LIN7A: variants seen among roughly 807,000 people sequenced by gnomAD.
The protein encoded by LIN7A is protein lin-7 homolog A.
A neutral mutation model predicts 29.8 loss-of-function variants in LIN7A; 25 were observed. The observed-to-expected ratio is 0.84, with a 90% confidence interval of 0.61 to 1.17. The LOEUF (loss-of-function observed/expected upper bound fraction) is 1.17. Among genes scored for constraint, LIN7A ranks in the 50% most tolerant of loss-of-function variants. The pLI is 0.00. For missense variants in LIN7A, 239 were observed against 287.0 expected (o/e 0.83, Z 1.21); for synonymous variants, 118 against 107.5 (o/e 1.10, Z -0.60).
intron 5 of LIN7A, among the ~76,000 whole-genome samples, chr12:80,803,911 G>A (rs560009826): frequency 4.6e-5 from 7 of 152,186 alleles, no homozygotes; most frequent in African/African-American, 1.7e-4. Context: ...CTGTGAAGTG[G>A]GGTCAGGAAA....
intron 1 of LIN7A, among the ~76,000 whole-genome samples, chr12:80,898,910 T>C (rs573775809): frequency 6.6e-6 from 1 of 152,334 alleles, no homozygotes; most frequent in African/African-American, 2.4e-5. Flanking sequence ...TTTCTAGGTA[T>C]AGAATTATAT....
intron 5 of LIN7A, among the ~76,000 whole-genome samples, chr12:80,804,554 T>C (rs1395544561): frequency 2.0e-5 from 3 of 150,820 alleles, no homozygotes; most frequent in Admixed American, 6.6e-5. Context: ...TTTTTTTTTT[T>C]CTGAGACAGA....
At chr12:80,855,077 A>G (rs531814974) in intron 2 of LIN7A, among the ~76,000 whole-genome samples, 1 of 152,256 alleles carries the variant, frequency 6.6e-6, no homozygotes, top group South Asian at 2.1e-4. Flanking sequence ...TAAAATGTCA[A>G]TAGAATTACA....
rs537478442 is a variant in LIN7A at position 80,812,513 on chromosome 12, T to G, written c.484-830A>C. The stretch of plus-strand genomic sequence containing the variant: ...AAACAGTTTCAGTATGTGACTGTCA[T>G]ATACTTAGTGCAAAAGGGTTTTTTT... On this transcript the variant is annotated intron_variant, in intron 4 of 5. Coordinates refer to ENST00000552864, the MANE Select transcript of LIN7A (RefSeq NM_004664.4). Among the ~76,000 whole-genome samples the G allele has an allele frequency of 2.3e-4, 34 of 149,792 alleles. 1 individual carries two copies. In the South Asian group the frequency reaches 7.2e-3, roughly 32 times the overall value.
chr12:80,868,002 C>T (rs779177120), intron 2 of LIN7A, among the ~76,000 whole-genome samples: 1 of 152,116 alleles, frequency 6.6e-6, no homozygotes, highest in Admixed American at 6.6e-5. Flanking sequence ...AAATACTTAT[C>T]CCTGAAATGT....
chr12:80,874,664 T>C (rs1457837706), intron 2 of LIN7A, among the ~76,000 whole-genome samples: 3 of 152,196 alleles, frequency 2.0e-5, no homozygotes, highest in African/African-American at 7.2e-5. Context: ...AATTTTCCTA[T>C]TTTAACTCAT....
intron 2 of LIN7A, among the ~76,000 whole-genome samples, chr12:80,875,591 A>G (rs1027483495): frequency 1.3e-5 from 2 of 152,226 alleles, no homozygotes; most frequent in Non-Finnish European, 2.9e-5. Context: ...TAGAAATGTT[A>G]GCATGTTTTG....
chr12:80,836,875 A>G (rs1872608470), intron 4 of LIN7A, among the ~76,000 whole-genome samples: 1 of 152,018 alleles, frequency 6.6e-6, no homozygotes, highest in Non-Finnish European at 1.5e-5. Context: ...AAAAGGACTG[A>G]AAAATATCTG....
chr12:80,836,965 G>A (rs1872613049), intron 4 of LIN7A, among the ~76,000 whole-genome samples: 1 of 151,814 alleles, frequency 6.6e-6, no homozygotes, highest in Non-Finnish European at 1.5e-5. Context: ...CAAAGACCAG[G>A]CAAGATGGGG....
At chr12:80,807,063 G>GTTTTTTTTTTGTTTTTTTTTT (rs1871029199) in intron 5 of LIN7A, among the ~76,000 whole-genome samples, 3 of 53,588 alleles carry the variant, frequency 5.6e-5, no homozygotes, top group Non-Finnish European at 6.9e-5. Context: ...TGAAGATGGA[G>GTTTTTTTTTTGTTTTTTTTTT]TTTTTTTTTT....
intron 2 of LIN7A, among the ~76,000 whole-genome samples, chr12:80,871,569 T>C (rs1242924706): frequency 1.3e-5 from 2 of 152,132 alleles, no homozygotes; most frequent in Admixed American, 6.5e-5. Flanking sequence ...TGAAATATGC[T>C]TCAATAAGCA....
chr12:80,926,888 A>G (rs371232258), intron 1 of LIN7A, among the ~76,000 whole-genome samples: 57 of 143,034 alleles, frequency 4.0e-4, no homozygotes, highest in Admixed American at 1.8e-3. Flanking sequence ...AGATCGCACC[A>G]CAGCACTCCA....
In LIN7A at chr12:80,792,731, T is replaced by C. The variant is rs1870260857; in HGVS notation, c.*4996A>G. ...TCATCTCCAAACTGTGTATTTATTA[T>C]AAGCCCTTACATCAGGGATTTTGTT... On this transcript the variant is annotated 3_prime_UTR_variant, in exon 6 of 6. Transcript: ENST00000552864. 2.0e-5 allele frequency: 3 copies of C among 152,198 alleles called. 1 individual carries two copies. Among genetic ancestry groups the C allele is most frequent in the South Asian group, 4.1e-4 (2 of 4,834 alleles). 9.4% of individuals were successfully genotyped at this position (152,198 alleles called of 1,614,324 possible). A position where few individuals can be genotyped will look rare whatever the true frequency, so the allele number is the denominator to read the frequency against.
At chr12:80,886,204 GT>G (rs11326256) in intron 2 of LIN7A, among the ~76,000 whole-genome samples, 101,008 of 148,274 alleles carry the variant, frequency 0.68, 37,810 homozygotes, top group Non-Finnish European at 0.87. Flanking sequence ...AAACTTCAAA[GT>G]TTTTTTTTTT....
chr12:80,866,549 T>C (rs942232012), intron 2 of LIN7A, among the ~76,000 whole-genome samples: 12 of 152,210 alleles, frequency 7.9e-5, no homozygotes, highest in Admixed American at 7.9e-4. Context: ...GGTTTCCAAA[T>C]GTTGCTGCAT....
rs548118093 is a variant in LIN7A, at chr12:80,909,052, G to A, written c.83-19683C>T. Among the ~76,000 whole-genome samples, 204 of 152,010 alleles carry A rather than the reference G, an allele frequency of 1.3e-3. 1 individual carries two copies. Among genetic ancestry groups the A allele is most frequent in the African/African-American group, 4.4e-3 (184 of 41,484 alleles). On this transcript the variant is annotated intron_variant, in intron 1 of 5. Transcript: ENST00000552864. ...CTAGGCAGTTTTGGACTAACTCAAC[G>A]CCTCAAAGATTTTCTTATACTCTCT...
intron 4 of LIN7A, among the ~76,000 whole-genome samples, chr12:80,834,183 A>G (rs1164780861): frequency 6.6e-6 from 1 of 152,178 alleles, no homozygotes; most frequent in African/African-American, 2.4e-5. Flanking sequence ...ATTAGTTCAG[A>G]ATGAAAAATC....
intron 5 of LIN7A, among the ~76,000 whole-genome samples, chr12:80,807,072 T>TGTTTTTG (rs777411417): frequency 8.3e-6 from 1 of 120,264 alleles, no homozygotes; most frequent in Non-Finnish European, 1.7e-5. Flanking sequence ...AGTTTTTTTT[T>TGTTTTTG]TTTTTTTTTT....
At chr12:80,876,056 C>CACACACACAT (rs1874676694) in intron 2 of LIN7A, among the ~76,000 whole-genome samples, 2 of 108,276 alleles carry the variant, frequency 1.8e-5, no homozygotes, top group African/African-American at 7.3e-5. Flanking sequence ...TTTTTATACA[C>CACACACACAT]ACACACACAC....
Sources: allele counts gnomAD v4.1 joint callset (sites outside exome capture counted in the v4.1 genomes callset), GRCh38; gene constraint gnomAD v4.1.1; transcripts MANE v1.5; gene names NCBI Gene and HGNC (gene_info 2026-07-23, HGNC 2026-07-21).